Variants in RB1 observed in about 807,000 individuals in gnomAD.
RB1 encodes the protein RB transcriptional corepressor 1.
A neutral mutation model predicts 135.4 loss-of-function variants in RB1; 18 were observed. The ratio of observed to expected loss-of-function variants is 0.13; its 90% CI spans 0.09 to 0.20. The LOEUF is 0.20. RB1 is among the 10% of genes least tolerant of loss of function. The pLI is 1.00. For synonymous variants in RB1, 365 were observed against 373.2 expected (o/e 0.98, Z 0.25); for missense variants, 868 against 1,110.0 (o/e 0.78, Z 3.10).
intron 17 of RB1, among the ~76,000 whole-genome samples, chr13:48,388,976 A>G (rs1406347637): frequency 6.6e-6 from 1 of 152,086 alleles, no homozygotes; most frequent in African/African-American, 2.4e-5. Context: ...CCTGACCAAC[A>G]TGACAAAACC....
chr13:48,335,063 A>T (rs1952371022), intron 2 of RB1, among the ~76,000 whole-genome samples: 1 of 152,170 alleles, frequency 6.6e-6, no homozygotes. Context: ...CCTACCATGT[A>T]GAGATAATCG....
At position 48,319,120 on chromosome 13, in the gene RB1, C is replaced by A. The variant is rs1359969706; in HGVS notation, c.264+11714C>A. Reference sequence around the variant, plus strand: ...TCCTGGAAGCCGGGCTCGCTGGAGGCGGAGCTTTGGTTTCCTTCGGGAGCT... The same window carrying A: ...TCCTGGAAGCCGGGCTCGCTGGAGGAGGAGCTTTGGTTTCCTTCGGGAGCT... On this transcript the variant is annotated intron_variant, in intron 2 of 26. Transcript: ENST00000267163. This position sits in a 1 kb window ranked among gnomAD's most constrained non-coding sequence, Gnocchi z 5.0. 8.2e-6 allele frequency: 5 copies of A among 607,260 alleles called. No homozygotes were observed. The Admixed American group carries it at 1.1e-4, about 13-fold the overall frequency. 37.6% of individuals were successfully genotyped at this position (607,260 alleles called of 1,614,324 possible).
intron 2 of RB1, among the ~76,000 whole-genome samples, chr13:48,342,088 ATATTCT>A (rs1349172218): frequency 6.6e-6 from 1 of 152,020 alleles, no homozygotes; most frequent in Admixed American, 6.5e-5. Context: ...AATGGGGTAC[ATATTCT>A]TATTTTGATT....
At chr13:48,474,707 A>G (rs1344339062) in intron 24 of RB1, among the ~76,000 whole-genome samples, 1 of 152,046 alleles carries the variant, frequency 6.6e-6, no homozygotes, top group African/African-American at 2.4e-5. Context: ...ATCCTGCCTC[A>G]GTGAAAGTGG....
chr13:48,317,536 G>T (rs1050141174), intron 2 of RB1: 7 of 436,108 alleles, frequency 1.6e-5, no homozygotes, highest in Non-Finnish European at 2.9e-5. Flanking sequence ...CTCGGTGCCC[G>T]CTGTGGCACT....
At chr13:48,410,509 A>T (rs1251924873) in intron 17 of RB1, among the ~76,000 whole-genome samples, 1 of 152,178 alleles carries the variant, frequency 6.6e-6, no homozygotes, top group Non-Finnish European at 1.5e-5. Flanking sequence ...CTAAATGCCA[A>T]GTACTATATT....
chr13:48,317,074 GC>G, intron 2 of RB1: 3 of 802,686 alleles, frequency 3.7e-6, no homozygotes, highest in Non-Finnish European at 5.2e-6. Context: ...TTGCTGCTTG[GC>G]CAGGGCCCGC....
In RB1 at chr13:48,373,417, C is replaced by T. The variant is rs117865557; in HGVS notation, c.1140C>T (p.Asn380=). 2.4e-4 allele frequency: 387 copies of T among 1,588,866 alleles called. No individual in the cohort carries two copies. Among genetic ancestry groups the T allele is most frequent in the Admixed American group, 5.7e-4 (34 of 59,940 alleles). The part of the protein sequence containing the change: ...PPHTPVRTVM[N]TIQQLMMILN... ...TTATCCCCTCTAGGACTGTTATGAACACTATCCAACAATTAATGATGATTT... is the reference window on the plus strand; with the variant it reads ...TTATCCCCTCTAGGACTGTTATGAATACTATCCAACAATTAATGATGATTT... The change falls in exon 12 of 27, where the codon AAC becomes AAT. Residue 380 remains asparagine (N), a synonymous_variant. Coordinates refer to ENST00000267163, the MANE Select transcript of RB1 (RefSeq NM_000321.3).
chr13:48,357,413 A>G (rs1054412753), intron 6 of RB1, among the ~76,000 whole-genome samples: 3 of 152,126 alleles, frequency 2.0e-5, no homozygotes, highest in African/African-American at 7.2e-5. Flanking sequence ...CCTTCCTTTT[A>G]TATAATTTGT....
chr13:48,318,317 G>T, intron 2 of RB1: 2 of 1,318,426 alleles, frequency 1.5e-6, no homozygotes, highest in South Asian at 1.5e-5. Context: ...TCTGGGCAGT[G>T]CTGAACCTGA....
At position 48,364,930 on chromosome 13, in the gene RB1, A is replaced by C. The variant is rs1060503086; in HGVS notation, c.898A>C (p.Met300Leu). ...NVYFKNFIPF[M>L]NSLGLVTSNG... ...TTATTTCAAAAATTTTATACCTTTT[A>C]TGAATTCTCTTGGACTTGTAACATC... Residue 300 changes from methionine to leucine, a missense_variant, in exon 9 of 27, where the codon ATG becomes CTG. Transcript: ENST00000267163. The C allele has an allele frequency of 4.5e-6, 7 of 1,569,126 alleles. No individual in the cohort carries two copies. The highest frequency in any genetic ancestry group is 2.7e-5 in the African/African-American group (2 of 73,338).
At chr13:48,329,313 T>C (rs1952314171) in intron 2 of RB1, among the ~76,000 whole-genome samples, 1 of 152,188 alleles carries the variant, frequency 6.6e-6, no homozygotes, top group South Asian at 2.1e-4. Context: ...TATTATTAGT[T>C]TTCACCCACA....
chr13:48,387,273 A>G (rs774993536), intron 17 of RB1, among the ~76,000 whole-genome samples: 2 of 152,202 alleles, frequency 1.3e-5, no homozygotes, highest in African/African-American at 2.4e-5. Flanking sequence ...ATTAAAAATT[A>G]TTTATGTTAA....
At chr13:48,392,487 GTCT>G (rs1354448814) in intron 17 of RB1, among the ~76,000 whole-genome samples, 10 of 152,008 alleles carry the variant, frequency 6.6e-5, no homozygotes. Context: ...CTAAAGCTAT[GTCT>G]TCAAGTTTAT....
chr13:48,346,688 T>G (rs1476910359), intron 4 of RB1, among the ~76,000 whole-genome samples: 1 of 152,036 alleles, frequency 6.6e-6, no homozygotes, highest in African/African-American at 2.4e-5. Flanking sequence ...ATGGCAATAT[T>G]GGCAAGTGCT....
chr13:48,465,465 C>G (rs1036115415), intron 23 of RB1, 97 bp downstream of exon 23: 5 of 1,237,454 alleles, frequency 4.0e-6, no homozygotes, highest in East Asian at 2.5e-5. Context: ...TTCAAATAAG[C>G]TAGACTCTTG....
chr13:48,419,623 AATAG>A (rs1948973282), intron 17 of RB1, among the ~76,000 whole-genome samples: 2 of 152,324 alleles, frequency 1.3e-5, no homozygotes, highest in East Asian at 1.9e-4. Flanking sequence ...AGATTAACAA[AATAG>A]ATAGACCACT....
intron 17 of RB1, among the ~76,000 whole-genome samples, chr13:48,410,445 C>T (rs534373357): frequency 6.6e-5 from 10 of 152,138 alleles, no homozygotes; most frequent in East Asian, 3.9e-4. Flanking sequence ...GATGTTTGCA[C>T]GACATAATTA....
intron 17 of RB1, among the ~76,000 whole-genome samples, chr13:48,442,095 C>T (rs1032976085): frequency 1.1e-4 from 16 of 152,202 alleles, no homozygotes; most frequent in Non-Finnish European, 1.6e-4. Context: ...TGACTTTCAT[C>T]ATATTCAGAC....
Sources: allele counts gnomAD v4.1 joint callset (sites outside exome capture counted in the v4.1 genomes callset), GRCh38; gene constraint gnomAD v4.1.1; non-coding constraint Gnocchi (gnomAD v3.1); transcripts MANE v1.5; gene names NCBI Gene and HGNC (gene_info 2026-07-23, HGNC 2026-07-21).